The following MAP3K9 variants were observed in gnomAD, a reference collection of about 807,000 sequenced individuals.
MAP3K9 encodes the protein mitogen-activated protein kinase kinase kinase 9.
MAP3K9 carries 46 observed loss-of-function variants against 95.8 expected under a neutral mutation model. The ratio of observed to expected loss-of-function variants is 0.48; its 90% CI spans 0.38 to 0.61. The LOEUF (loss-of-function observed/expected upper bound fraction) is 0.61. MAP3K9 is among the 20% of genes least tolerant of loss of function. The probability of loss-of-function intolerance (pLI) is 0.00; values close to 1 mark genes in which losing one functional copy is unlikely to be tolerated. For missense variants in MAP3K9, 1,296 were observed against 1,474.3 expected, an observed-to-expected ratio of 0.88 and a Z score of 1.98; for synonymous variants, 533 against 593.8, an observed-to-expected ratio of 0.90 and a Z score of 1.49.
In MAP3K9 at chr14:70,733,347, G is replaced by T; in HGVS notation, c.2027-5C>A. ...GGCCTTCACTGTCCTCATCCTCTGT[G>T]AAGATGACAAGAGTGGAAGAGAAAC... On this transcript the variant is annotated splice_region_variant and splice_polypyrimidine_tract_variant and intron_variant, in intron 10 of 11. Coordinates refer to ENST00000554752, the MANE Select transcript of MAP3K9 (RefSeq NM_001284230.2). 8.2e-7 allele frequency: 1 copy of T among 1,222,542 alleles called. No homozygotes were observed. Among genetic ancestry groups the T allele is most frequent in the Non-Finnish European group, 1.2e-6 (1 of 861,586 alleles). The allele number at this position is 1,222,542 out of a possible 1,614,324, so 75.7% of individuals were successfully genotyped here. A position where few individuals can be genotyped will look rare whatever the true frequency, so the allele number is the denominator to read the frequency against.
At chr14:70,737,475 CAG>C (rs1292394439) in intron 8 of MAP3K9, among the ~76,000 whole-genome samples, 4 of 152,194 alleles carry the variant, frequency 2.6e-5, no homozygotes, top group East Asian at 1.9e-4. Flanking sequence ...AACCCAGACT[CAG>C]GGGAGAATTT....
At chr14:70,782,416 AGAG>A (rs968533910) in intron 2 of MAP3K9, among the ~76,000 whole-genome samples, 3 of 152,166 alleles carry the variant, frequency 2.0e-5, no homozygotes, top group Non-Finnish European at 4.4e-5. Flanking sequence ...CAGGCATTGC[AGAG>A]GAGAAAGGAT....
At chr14:70,737,098 C>T (rs753549009) in intron 8 of MAP3K9, among the ~76,000 whole-genome samples, 2 of 152,146 alleles carry the variant, frequency 1.3e-5, no homozygotes, top group African/African-American at 4.8e-5. Context: ...TGGCTATCCT[C>T]GCACTTATTT....
At chr14:70,746,072 A>G (rs1594774442) in intron 5 of MAP3K9, among the ~76,000 whole-genome samples, 2 of 152,322 alleles carry the variant, frequency 1.3e-5, no homozygotes, top group East Asian at 3.9e-4. Context: ...TTCATGGAAG[A>G]TGCAGAAAAA....
chr14:70,732,506 A>G lies in MAP3K9; in HGVS notation c.2830+33T>C, dbSNP rs771431686. On this transcript the variant is annotated intron_variant, in intron 11 of 11. Coordinates refer to ENST00000554752, the MANE Select transcript of MAP3K9 (RefSeq NM_001284230.2). ...ATCTTCACTCCCTGAGGAGGCACAA[A>G]GAAAGGAAAGAGAAAAGAGGAAGAA... The G allele has an allele frequency of 7.3e-6, 11 of 1,512,584 alleles. No homozygotes were observed. In the Admixed American group the frequency reaches 2.5e-4, roughly 34 times the overall value. The allele number at this position is 1,512,584 out of a possible 1,614,324, so 93.7% of individuals were successfully genotyped here.
intron 2 of MAP3K9, among the ~76,000 whole-genome samples, chr14:70,798,509 C>T (rs1198568797): frequency 3.0e-5 from 3 of 101,522 alleles, no homozygotes; most frequent in Admixed American, 1.3e-4. Context: ...GACGGAGTCT[C>T]GCTCTGTCGC....
chr14:70,740,262 C>T (rs749781629), intron 6 of MAP3K9, 98 bp from the exon 7 acceptor site: 30 of 1,299,442 alleles, frequency 2.3e-5, no homozygotes, highest in Non-Finnish European at 3.1e-5. Flanking sequence ...GAGGGACAGG[C>T]CCCAGTTTCC....
chr14:70,781,447 A>ATAG (rs1478477514), intron 2 of MAP3K9, among the ~76,000 whole-genome samples: 1 of 152,200 alleles, frequency 6.6e-6, no homozygotes, highest in East Asian at 1.9e-4. Context: ...TTGACAAGCC[A>ATAG]TCCCTAATGA....
rs2053795250 is a variant in MAP3K9 at position 70,724,574 on chromosome 14, CAT to C, written c.*5804_*5805del. ...AAGAGCCTCAGTAATCAAGGTAAAT[CAT>C]ATTGCAATGCAGTATTTTTTAAAAA... On this transcript the variant is annotated 3_prime_UTR_variant, in exon 12 of 12. Coordinates refer to ENST00000554752, the MANE Select transcript of MAP3K9 (RefSeq NM_001284230.2). 1 of 151,598 alleles carries C rather than the reference CAT, an allele frequency of 6.6e-6. No homozygotes were observed. Among genetic ancestry groups the C allele is most frequent in the Admixed American group, 6.6e-5 (1 of 15,244 alleles). 9.4% of individuals were successfully genotyped at this position (151,598 alleles called of 1,614,324 possible).
chr14:70,801,221 C>T (rs934805500), intron 1 of MAP3K9, 141 bp from the exon 2 acceptor site: 3 of 751,304 alleles, frequency 4.0e-6, no homozygotes, highest in Middle Eastern at 2.6e-4. Context: ...AAGCAAATTC[C>T]ATAAGGGCAG....
intron 5 of MAP3K9, among the ~76,000 whole-genome samples, chr14:70,747,830 G>A (rs1327995664): frequency 1.3e-5 from 2 of 152,134 alleles, no homozygotes; most frequent in African/African-American, 4.8e-5. Flanking sequence ...ATAGTGCAGA[G>A]TGAGAAAAGA....
intron 7 of MAP3K9, 63 bp from the exon 8 acceptor site, chr14:70,738,461 C>G: frequency 2.1e-6 from 3 of 1,441,830 alleles, no homozygotes; most frequent in Non-Finnish European, 1.9e-6. Flanking sequence ...CCCAAACTAG[C>G]CTCTATACCA....
chr14:70,770,151 A>G (rs796087140), intron 2 of MAP3K9, among the ~76,000 whole-genome samples: 5 of 152,190 alleles, frequency 3.3e-5, no homozygotes, highest in African/African-American at 1.2e-4. Context: ...GGTCAAGGTA[A>G]TTGCGAGAGT....
At chr14:70,776,538 G>A (rs2054601544) in intron 2 of MAP3K9, among the ~76,000 whole-genome samples, 2 of 152,138 alleles carry the variant, frequency 1.3e-5, no homozygotes, top group African/African-American at 2.4e-5. Flanking sequence ...GTCAGTGGGA[G>A]AGCTAGGAAC....
At chr14:70,750,435 A>G (rs1275520551) in intron 3 of MAP3K9, among the ~76,000 whole-genome samples, 2 of 152,210 alleles carry the variant, frequency 1.3e-5, no homozygotes, top group Non-Finnish European at 2.9e-5. Context: ...TAGTGTTTAA[A>G]TAAGTGCCCA....
intron 1 of MAP3K9, among the ~76,000 whole-genome samples, chr14:70,802,060 G>C (rs980671345): frequency 1.3e-5 from 2 of 152,174 alleles, no homozygotes; most frequent in African/African-American, 4.8e-5. Context: ...TTCAGAAAAG[G>C]AATGTTGTTA....
At chr14:70,734,661 A>C (rs1304977388) in intron 9 of MAP3K9, among the ~76,000 whole-genome samples, 163 bp from the exon 10 acceptor site, 1 of 152,256 alleles carries the variant, frequency 6.6e-6, no homozygotes, top group Non-Finnish European at 1.5e-5. Context: ...CCTGCTTCAC[A>C]AACAGAAATG....
Position 70,809,372 on chromosome 14 carries a change from T to A in MAP3K9, c.-201A>T. 1 of 597,744 alleles carries A rather than the reference T, an allele frequency of 1.7e-6. No individual in the cohort carries two copies. Among genetic ancestry groups the A allele is most frequent in the Non-Finnish European group, 2.4e-6 (1 of 412,064 alleles). 37.0% of individuals were successfully genotyped at this position (597,744 alleles called of 1,614,324 possible). A position where few individuals can be genotyped will look rare whatever the true frequency, so the allele number is the denominator to read the frequency against. On this transcript the variant is annotated 5_prime_UTR_variant, in exon 1 of 12. Coordinates refer to ENST00000554752, the MANE Select transcript of MAP3K9 (RefSeq NM_001284230.2). ...GAGAAGAGCGCCGAGCGCGAGCTCT[T>A]CGCGCAGCCTAGGGGCGCAGCGGGC... is the stretch of plus-strand genomic sequence containing the variant.
chr14:70,803,974 G>C (rs115817979), intron 1 of MAP3K9, among the ~76,000 whole-genome samples: 1,755 of 152,340 alleles, frequency 0.012, 44 homozygotes, highest in African/African-American at 0.04. Context: ...TGAAGACCAT[G>C]TTCTTGCTGC....
Sources: gnomAD v4.1 joint callset for allele counts (sites outside exome capture counted in the v4.1 genomes callset) on GRCh38, gnomAD v4.1.1 for gene constraint, MANE v1.5 for transcripts, NCBI Gene and HGNC (gene_info 2026-07-23, HGNC 2026-07-21) for gene names.